Variants in DNMT1 observed in about 807,000 individuals in gnomAD.
The protein encoded by DNMT1 is DNA methyltransferase 1.
In DNMT1, 24 loss-of-function variants were observed where a neutral mutation model predicts 205.3. That is an observed-to-expected ratio of 0.12 (90% confidence interval 0.08 to 0.16). The LOEUF (loss-of-function observed/expected upper bound fraction) is 0.16. DNMT1 is among the 10% of genes least tolerant of loss of function. The pLI, the probability that DNMT1 is intolerant of heterozygous loss-of-function variation, is 1.00. For missense variants in DNMT1, 1,293 were observed against 2,177.7 expected (o/e 0.59, Z 8.09); for synonymous variants, 817 against 839.8 (o/e 0.97, Z 0.47).
At chr19:10,187,855 G>A (rs1003341278) in intron 1 of DNMT1, among the ~76,000 whole-genome samples, 1 of 151,508 alleles carries the variant, frequency 6.6e-6, no homozygotes, top group Admixed American at 6.6e-5. Flanking sequence ...ATAGTAATTA[G>A]TAATTAGCTG....
intron 5 of DNMT1, among the ~76,000 whole-genome samples, chr19:10,178,852 C>T (rs1057462554): frequency 7.9e-5 from 12 of 151,898 alleles, no homozygotes; most frequent in South Asian, 4.2e-4. Flanking sequence ...AGAGGCTGGG[C>T]GCGGTGGCTC....
At chr19:10,139,884 C>A in intron 33 of DNMT1, 67 bp from the exon 34 acceptor site, 1 of 1,557,768 alleles carries the variant, frequency 6.4e-7, no homozygotes, top group Non-Finnish European at 8.7e-7. Context: ...ACCCACTGTG[C>A]CGGAAGCCCC....
In DNMT1 at chr19:10,176,036, C is replaced by T. The variant is rs568411319; in HGVS notation, c.570-418G>A. 1.2e-3 allele frequency among the ~76,000 whole-genome samples: 176 copies of T among 152,168 alleles called. 1 individual carries two copies. Among genetic ancestry groups the T allele is most frequent in the Middle Eastern group, 3.4e-3 (1 of 294 alleles). On this transcript the variant is annotated intron_variant, in intron 6 of 40. Transcript: ENST00000359526. ...TACAAACATTAGCCAGGGGTTGTGG[C>T]GGGCACTTGTAATCCCAGCTACTCA...
Position 10,151,858 on chromosome 19 carries a change from G to A in DNMT1, c.2020-11C>T, listed in dbSNP as rs763811959. The A allele has an allele frequency of 2.4e-5, 38 of 1,613,474 alleles. No homozygotes were observed. The highest frequency in any genetic ancestry group is 3.1e-5 in the Non-Finnish European group (36 of 1,179,744). On this transcript the variant is annotated splice_polypyrimidine_tract_variant and intron_variant, in intron 22 of 40. Coordinates refer to ENST00000359526, the MANE Select transcript of DNMT1 (RefSeq NM_001130823.3). The surrounding 1 kb of genome is among the most constrained non-coding windows in gnomAD (Gnocchi z 5.0). ...AGGCTGCTGACACACCTAAAAAATG[G>A]CATTAAAAAGGCAAATCAGGGCTGG...
At chr19:10,158,266 C>T (rs1446623898) in intron 17 of DNMT1, among the ~76,000 whole-genome samples, 1 of 152,222 alleles carries the variant, frequency 6.6e-6, no homozygotes, top group Admixed American at 6.5e-5. Flanking sequence ...AGGTGTGTGG[C>T]CCTGCTTTGG....
At chr19:10,135,249 C>G (rs1283196290) in intron 39 of DNMT1, among the ~76,000 whole-genome samples, 2 of 148,764 alleles carry the variant, frequency 1.3e-5, no homozygotes, top group Admixed American at 6.8e-5. Context: ...GGCTGCTTCC[C>G]GAGAACCAGA....
intron 1 of DNMT1, among the ~76,000 whole-genome samples, 180 bp from the exon 2 acceptor site, chr19:10,182,257 T>C (rs1208935087): frequency 6.6e-6 from 1 of 152,078 alleles, no homozygotes; most frequent in Admixed American, 6.6e-5. Flanking sequence ...CTGGAATGCC[T>C]AATGCTAAGA....
chr19:10,140,775 G>A lies in DNMT1; in HGVS notation c.3523+6C>T, dbSNP rs372240993. Reference sequence around the variant, plus strand: ...GTATTCAGAGATGGAGCCTACGGGCGCTCACCTGCTTGGTGGAATCCCTCC... The same window carrying A: ...GTATTCAGAGATGGAGCCTACGGGCACTCACCTGCTTGGTGGAATCCCTCC... On this transcript the variant is annotated splice_donor_region_variant and intron_variant, in intron 32 of 40. Transcript: ENST00000359526. The surrounding 1 kb of genome is among the most constrained non-coding windows in gnomAD (Gnocchi z 8.4). 176 of 1,613,958 alleles carry A rather than the reference G, an allele frequency of 1.1e-4. No individual in the cohort carries two copies. The highest frequency in any genetic ancestry group is 8.2e-4 in the Middle Eastern group (5 of 6,062).
chr19:10,134,944 G>A (rs1388294320), intron 39 of DNMT1, among the ~76,000 whole-genome samples: 1 of 151,826 alleles, frequency 6.6e-6, no homozygotes, highest in Admixed American at 6.6e-5. Flanking sequence ...CGGCGCAGTG[G>A]CTCATGCCTG....
chr19:10,194,740 G>A lies in DNMT1; in HGVS notation c.80+80C>T, dbSNP rs2039371420. 11 of 1,494,844 alleles carry A rather than the reference G, an allele frequency of 7.4e-6. No individual in the cohort carries two copies. The South Asian group carries it at 1.0e-4, about 14-fold the overall frequency. 92.6% of individuals were successfully genotyped at this position (1,494,844 alleles called of 1,614,324 possible). ...CGCCCGTCTGTCAGCAGCGGCCACC[G>A]GCCACCCCGAGGGGAAGCGACCCCC... On this transcript the variant is annotated intron_variant, in intron 1 of 40. Transcript: ENST00000359526.
rs150331990 is a variant in DNMT1 at position 10,141,146 on chromosome 19, T to C, written c.3353A>G (p.His1118Arg). Reference protein sequence around the residue: ...KSKSFEDPPNHARSPGNKGKG... With the variant: ...KSKSFEDPPNRARSPGNKGKG... ...CCCTTTGTTTCCAGGGCTACGGGCA[T>C]GGTTGGGAGGATCTTCAAAGCTTTT... Residue 1118 changes from histidine to arginine, a missense_variant, in exon 31 of 41, where the codon CAT becomes CGT. Transcript: ENST00000359526. 117 of 1,613,900 alleles carry C rather than the reference T, an allele frequency of 7.2e-5. No individual in the cohort carries two copies. Among genetic ancestry groups the C allele is most frequent in the Non-Finnish European group, 9.8e-5 (116 of 1,180,044 alleles).
chr19:10,173,260 C>A (rs2038862748), intron 8 of DNMT1, 86 bp from the exon 9 acceptor site: 5 of 1,308,546 alleles, frequency 3.8e-6, no homozygotes, highest in South Asian at 1.2e-5. Flanking sequence ...CTCTTTCCCC[C>A]AAAAGCAATC....
Position 10,171,784 on chromosome 19 carries a change from G to A in DNMT1, c.768+1306C>T, listed in dbSNP as rs188991026. Among the ~76,000 whole-genome samples, 346 of 151,214 alleles carry A rather than the reference G, an allele frequency of 2.3e-3. 2 individuals carry two copies. The highest frequency in any genetic ancestry group is 8.1e-3 in the African/African-American group (332 of 41,106). On this transcript the variant is annotated intron_variant, in intron 9 of 40. Transcript: ENST00000359526. ...CAAGCCACTGCACTTCAGCCTGGGC[G>A]ACAGAGCGAGACTCCGTCTCAAATA... is the stretch of plus-strand genomic sequence containing the variant.
At position 10,154,164 on chromosome 19, in the gene DNMT1, T is replaced by C; in HGVS notation, c.2019+129A>G. ...AGGGTCCTCCCAGACCACTAACTAA[T>C]TTCTGTCTCAGGGGTCACATTTGAG... On this transcript the variant is annotated intron_variant, in intron 22 of 40. Coordinates refer to ENST00000359526, the MANE Select transcript of DNMT1 (RefSeq NM_001130823.3). This position sits in a 1 kb window ranked among gnomAD's most constrained non-coding sequence, Gnocchi z 6.3. 3.0e-6 allele frequency: 3 copies of C among 984,766 alleles called. No homozygotes were observed. In the South Asian group the frequency reaches 3.9e-5, roughly 13 times the overall value. 61.0% of individuals were successfully genotyped at this position (984,766 alleles called of 1,614,324 possible). A position where few individuals can be genotyped will look rare whatever the true frequency, so the allele number is the denominator to read the frequency against.
chr19:10,190,447 G>A lies in DNMT1; in HGVS notation c.80+4373C>T, dbSNP rs555982734. ...TCTTTATTGTGGAGAAGCAAGCCTA[G>A]CTGTCTGAGAGCAGGCTTAAGAATG... On this transcript the variant is annotated intron_variant, in intron 1 of 40. Transcript: ENST00000359526. Among the ~76,000 whole-genome samples, 8 of 152,222 alleles carry A rather than the reference G, an allele frequency of 5.3e-5. No individual in the cohort carries two copies. In the South Asian group the frequency reaches 1.7e-3, roughly 32 times the overall value.
At chr19:10,158,317 A>T (rs1473059061) in intron 17 of DNMT1, among the ~76,000 whole-genome samples, 1 of 152,184 alleles carries the variant, frequency 6.6e-6, no homozygotes, top group African/African-American at 2.4e-5. Context: ...TGGACGCAAC[A>T]GCATCTTGAT....
chr19:10,184,324 C>T (rs891510218), intron 1 of DNMT1: 1 of 152,132 alleles, frequency 6.6e-6, no homozygotes, highest in East Asian at 1.9e-4. Flanking sequence ...GGTACCCACA[C>T]AGAGGGCAGA....
intron 1 of DNMT1, among the ~76,000 whole-genome samples, chr19:10,191,070 G>C (rs533306027): frequency 6.8e-6 from 1 of 147,832 alleles, no homozygotes; most frequent in Non-Finnish European, 1.5e-5. Flanking sequence ...CCGAGATCAC[G>C]GCCACTGCAC....
At chr19:10,150,889 C>T (rs1015349474) in intron 24 of DNMT1, among the ~76,000 whole-genome samples, 1 of 152,004 alleles carries the variant, frequency 6.6e-6, no homozygotes, top group Admixed American at 6.6e-5. Context: ...GGCCGGAGTT[C>T]GAGAATGGCC....
Sources: allele counts gnomAD v4.1 joint callset (sites outside exome capture counted in the v4.1 genomes callset), GRCh38; gene constraint gnomAD v4.1.1; non-coding constraint Gnocchi (gnomAD v3.1); transcripts MANE v1.5; gene names NCBI Gene and HGNC (gene_info 2026-07-23, HGNC 2026-07-21).